Variants in CAMK1D observed in about 807,000 individuals in gnomAD.
The protein encoded by CAMK1D is calcium/calmodulin dependent protein kinase ID.
A neutral mutation model predicts 47.7 loss-of-function variants in CAMK1D; 9 were observed. The observed-to-expected ratio is 0.19, with a 90% confidence interval of 0.11 to 0.33. CAMK1D has a LOEUF of 0.33. Ranked by LOEUF, CAMK1D falls within the 10% of genes least tolerant of loss-of-function variation. The pLI, the probability that CAMK1D is intolerant of heterozygous loss-of-function variation, is 1.00. For synonymous variants in CAMK1D, 184 were observed against 184.9 expected (o/e 0.99, Z 0.04); for missense variants, 291 against 488.7 (o/e 0.60, Z 3.81).
At chr10:12,466,313 CAGG>C (rs1379433011) in intron 1 of CAMK1D, among the ~76,000 whole-genome samples, 1 of 152,106 alleles carries the variant, frequency 6.6e-6, no homozygotes, top group African/African-American at 2.4e-5. Flanking sequence ...GAGGCTGAGG[CAGG>C]AGAATGGTGT....
At chr10:12,823,304 G>C (rs970604361) in intron 8 of CAMK1D, among the ~76,000 whole-genome samples, 1 of 152,116 alleles carries the variant, frequency 6.6e-6, no homozygotes, top group Admixed American at 6.6e-5. Flanking sequence ...CTTAACTTCT[G>C]CAAGATTCAT....
chr10:12,713,399 A>T (rs1834007699), intron 3 of CAMK1D, among the ~76,000 whole-genome samples: 1 of 152,192 alleles, frequency 6.6e-6, no homozygotes, highest in South Asian at 2.1e-4. Flanking sequence ...GGTGAAGTGC[A>T]GCATTGGGTT....
chr10:12,553,010 C>T (rs562310962), intron 1 of CAMK1D, among the ~76,000 whole-genome samples: 7 of 152,224 alleles, frequency 4.6e-5, no homozygotes, highest in Admixed American at 1.3e-4. Flanking sequence ...CCCAAAGTGT[C>T]GGGATTACAG....
chr10:12,735,531 AG>A (rs1267458863), intron 3 of CAMK1D, among the ~76,000 whole-genome samples: 2 of 152,122 alleles, frequency 1.3e-5, no homozygotes, highest in African/African-American at 4.8e-5. Flanking sequence ...CAAGAAGCGG[AG>A]GGGCGAACCT....
intron 1 of CAMK1D, among the ~76,000 whole-genome samples, chr10:12,409,622 T>G (rs1412774226): frequency 6.6e-6 from 1 of 152,242 alleles, no homozygotes; most frequent in Non-Finnish European, 1.5e-5. Context: ...GATGTATAAA[T>G]TCAGAGATCA....
chr10:12,502,494 T>C (rs950742913), intron 1 of CAMK1D, among the ~76,000 whole-genome samples: 5 of 152,124 alleles, frequency 3.3e-5, no homozygotes, highest in Admixed American at 6.5e-5. Flanking sequence ...CAGCATCCCA[T>C]GGGAAACCTC....
chr10:12,375,587 T>G (rs1210281846), intron 1 of CAMK1D, among the ~76,000 whole-genome samples: 1 of 152,188 alleles, frequency 6.6e-6, no homozygotes, highest in Non-Finnish European at 1.5e-5. Flanking sequence ...AAAAAAAGAC[T>G]CTTGCCCAGT....
intron 3 of CAMK1D, among the ~76,000 whole-genome samples, chr10:12,741,370 C>A (rs1564528944): frequency 6.6e-6 from 1 of 152,220 alleles, no homozygotes; most frequent in African/African-American, 2.4e-5. Context: ...ATGCATCTCG[C>A]AGTCCTTACA....
chr10:12,474,436 G>A (rs1477377539), intron 1 of CAMK1D, among the ~76,000 whole-genome samples: 1 of 151,804 alleles, frequency 6.6e-6, no homozygotes, highest in African/African-American at 2.4e-5. Context: ...CTAAGAATCC[G>A]CCTGCCTCGG....
chr10:12,566,280 C>T (rs1195402680), intron 2 of CAMK1D, among the ~76,000 whole-genome samples: 2 of 152,082 alleles, frequency 1.3e-5, no homozygotes, highest in African/African-American at 4.8e-5. Flanking sequence ...ACGCAAGTGT[C>T]GTCTCCCTAA....
intron 2 of CAMK1D, among the ~76,000 whole-genome samples, chr10:12,611,793 G>A (rs1356900053): frequency 3.3e-5 from 5 of 151,708 alleles, no homozygotes; most frequent in East Asian, 1.9e-4. Flanking sequence ...GGGTTTCACC[G>A]TGTTGGCCAG....
At chr10:12,608,474 A>G (rs1838528740) in intron 2 of CAMK1D, among the ~76,000 whole-genome samples, 1 of 152,194 alleles carries the variant, frequency 6.6e-6, no homozygotes, top group African/African-American at 2.4e-5. Context: ...GTGTGGAGAG[A>G]TTTCAGACTG....
At chr10:12,703,754 A>C (rs924850497) in intron 3 of CAMK1D, among the ~76,000 whole-genome samples, 3 of 152,068 alleles carry the variant, frequency 2.0e-5, no homozygotes, top group African/African-American at 7.2e-5. Context: ...CTGTAGTCCC[A>C]GCTACTCAGG....
At chr10:12,655,571 T>A (rs891328753) in intron 2 of CAMK1D, among the ~76,000 whole-genome samples, 14 of 152,216 alleles carry the variant, frequency 9.2e-5, no homozygotes, top group Admixed American at 7.9e-4. Context: ...GAATTAATTG[T>A]TCATTCATTC....
chr10:12,772,236 A>T (rs936187106), intron 5 of CAMK1D, among the ~76,000 whole-genome samples: 1 of 152,152 alleles, frequency 6.6e-6, no homozygotes, highest in African/African-American at 2.4e-5. Flanking sequence ...GCCATCAGGG[A>T]AGCCGTGAAT....
intron 2 of CAMK1D, among the ~76,000 whole-genome samples, chr10:12,647,889 C>T (rs1039115922): frequency 7.9e-5 from 12 of 152,142 alleles, no homozygotes; most frequent in South Asian, 2.1e-4. Context: ...TCCTGAGAGC[C>T]GGCAGCACTG....
chr10:12,362,528 C>T lies in CAMK1D; in HGVS notation c.92+12618C>T, dbSNP rs907880849. Among the ~76,000 whole-genome samples, 4 of 152,218 alleles carry T rather than the reference C, an allele frequency of 2.6e-5. No individual in the cohort carries two copies. In the South Asian group the frequency reaches 8.3e-4, roughly 32 times the overall value. Reference sequence around the variant, plus strand: ...TTTTTGTTTGTTTGAGATGGAGTCTCGCCCCGTCCCCCAGGCTGGAGTGCA... The same window carrying T: ...TTTTTGTTTGTTTGAGATGGAGTCTTGCCCCGTCCCCCAGGCTGGAGTGCA... On this transcript the variant is annotated intron_variant, in intron 1 of 10. Transcript: ENST00000619168.
Position 12,596,194 on chromosome 10 carries a change from C to T in CAMK1D, c.224+42838C>T, listed in dbSNP as rs141787125. Among the ~76,000 whole-genome samples the T allele has an allele frequency of 5.5e-4, 84 of 152,014 alleles. No homozygotes were observed. In the East Asian group the frequency reaches 5.8e-3, roughly 10 times the overall value. ...TATCCCCCTTTAAAAGAGAAACTGT[C>T]GACAAAATAAATGTAGTAGAATTTC... On this transcript the variant is annotated intron_variant, in intron 2 of 10. Transcript: ENST00000619168.
chr10:12,792,566 G>A (rs938321322), intron 6 of CAMK1D, among the ~76,000 whole-genome samples: 4 of 152,164 alleles, frequency 2.6e-5, no homozygotes, highest in Non-Finnish European at 4.4e-5. Flanking sequence ...TTCTCCTCCA[G>A]GAATGCTGGA....
Sources: gnomAD v4.1 joint callset for allele counts (sites outside exome capture counted in the v4.1 genomes callset) on GRCh38, gnomAD v4.1.1 for gene constraint, MANE v1.5 for transcripts, NCBI Gene and HGNC (gene_info 2026-07-23, HGNC 2026-07-21) for gene names.